TCF20: variants seen among roughly 807,000 people sequenced by gnomAD.
TCF20 encodes the protein transcription factor 20.
In TCF20, 3 loss-of-function variants were observed where a neutral mutation model predicts 148.6. That is an observed-to-expected ratio of 0.02 (90% CI 0.01 to 0.05). TCF20 has a LOEUF of 0.05. Ranked by LOEUF, TCF20 falls within the 10% of genes least tolerant of loss-of-function variation. The pLI is 1.00. For synonymous variants in TCF20, 1,049 were observed against 909.5 expected, an observed-to-expected ratio of 1.15 and a Z score of -2.76; for missense variants, 2,350 against 2,429.3, an observed-to-expected ratio of 0.97 and a Z score of 0.69.
intron 1 of TCF20, among the ~76,000 whole-genome samples, chr22:42,254,556 A>C (rs1427888559): frequency 6.6e-6 from 1 of 151,976 alleles, no homozygotes; most frequent in Admixed American, 6.6e-5. Flanking sequence ...ACAATCTCTC[A>C]CCTGTCCTCC....
chr22:42,295,587 G>A (rs1198374923), intron 1 of TCF20, among the ~76,000 whole-genome samples: 1 of 152,058 alleles, frequency 6.6e-6, no homozygotes, highest in African/African-American at 2.4e-5. Context: ...GGGATTACAG[G>A]CAGGCACCAC....
chr22:42,183,615 A>G (rs1272119382), intron 2 of TCF20, among the ~76,000 whole-genome samples: 1 of 152,192 alleles, frequency 6.6e-6, no homozygotes, highest in Non-Finnish European at 1.5e-5. Flanking sequence ...CCACACCTCA[A>G]TTCCAGCCCA....
chr22:42,273,530 C>T (rs1293539627), upstream of TCF20, among the ~76,000 whole-genome samples: 1 of 151,964 alleles, frequency 6.6e-6, no homozygotes, highest in Non-Finnish European at 1.5e-5. Context: ...ACTGAGCGCC[C>T]CTTCCTCTGA....
intron 1 of TCF20, among the ~76,000 whole-genome samples, chr22:42,334,819 G>GC (rs1386287855): frequency 1.3e-5 from 2 of 152,244 alleles, no homozygotes; most frequent in Non-Finnish European, 2.9e-5. Context: ...CTGGCCCCAA[G>GC]CACGTGGGCT....
chr22:42,206,813 C>A (rs887173237), intron 2 of TCF20, among the ~76,000 whole-genome samples: 11 of 152,150 alleles, frequency 7.2e-5, no homozygotes, highest in Non-Finnish European at 1.5e-4. Context: ...TTACTATAGT[C>A]TATGGGCACT....
chr22:42,216,990 A>G (rs949756533), intron 1 of TCF20, among the ~76,000 whole-genome samples: 2 of 152,226 alleles, frequency 1.3e-5, no homozygotes, highest in African/African-American at 2.4e-5. Context: ...GAGGTGTAAT[A>G]GACAGTTTAG....
In TCF20 at chr22:42,211,467, T is replaced by C; in HGVS notation, c.3839A>G (p.Asp1280Gly). The change falls in exon 2 of 6, where the codon GAT becomes GGT. Residue 1280 changes from aspartate (D) to glycine (G), a missense_variant. Asp to Gly is a moderately conservative substitution (Grantham distance 94, BLOSUM62 -1). Coordinates refer to ENST00000677622, the MANE Select transcript of TCF20 (RefSeq NM_001378418.1). ...SQDVKNSSTE[D>G]KGRLLHSSKE... Reference sequence around the variant, plus strand: ...TGATGAGTGAAGGAGGCGACCTTTATCTTCAGTGCTACTGTTCTTTACATC... The same window carrying C: ...TGATGAGTGAAGGAGGCGACCTTTACCTTCAGTGCTACTGTTCTTTACATC... 2.5e-6 allele frequency: 4 copies of C among 1,614,226 alleles called. No homozygotes were observed. Among genetic ancestry groups the C allele is most frequent in the Non-Finnish European group, 3.4e-6 (4 of 1,180,052 alleles).
chr22:42,304,419 A>G (rs1927396831), intron 1 of TCF20, among the ~76,000 whole-genome samples: 1 of 152,070 alleles, frequency 6.6e-6, no homozygotes. Flanking sequence ...GTTGGGAGAC[A>G]GCCCTGGGCA....
chr22:42,310,249 G>A (rs970857116), intron 1 of TCF20, among the ~76,000 whole-genome samples: 1 of 152,206 alleles, frequency 6.6e-6, no homozygotes, highest in Non-Finnish European at 1.5e-5. Context: ...TGTTTAATTA[G>A]GGCAATGACA....
intron 2 of TCF20, among the ~76,000 whole-genome samples, chr22:42,181,631 G>C (rs1005429522): frequency 1.4e-5 from 2 of 145,838 alleles, no homozygotes; most frequent in African/African-American, 5.1e-5. Context: ...ATTTTGAGAC[G>C]ATGTCTTGCT....
rs921385895 is a variant in TCF20 at position 42,168,880 on chromosome 22, A to G, written c.5800-144T>C. 135 of 1,172,914 alleles carry G rather than the reference A, an allele frequency of 1.2e-4. No individual in the cohort carries two copies. In the East Asian group the frequency reaches 3.9e-3, roughly 34 times the overall value. 72.7% of individuals were successfully genotyped at this position (1,172,914 alleles called of 1,614,324 possible). ...CCTGACCGACAAACAGGAGACATTC[A>G]GACAGGGTTTTCTGAGGCAAAATGT... is the stretch of plus-strand genomic sequence containing the variant. On this transcript the variant is annotated intron_variant, in intron 4 of 5. Transcript: ENST00000677622.
At chr22:42,261,255 G>C (rs1787942783) in intron 1 of TCF20, among the ~76,000 whole-genome samples, 1 of 152,162 alleles carries the variant, frequency 6.6e-6, no homozygotes, top group Non-Finnish European at 1.5e-5. Flanking sequence ...TGGACATCTG[G>C]ACTGTTTAGT....
intron 2 of TCF20, among the ~76,000 whole-genome samples, chr22:42,195,370 T>C (rs544863649): frequency 4.6e-5 from 7 of 151,934 alleles, no homozygotes; most frequent in Non-Finnish European, 8.8e-5. Context: ...ATCATTTTTT[T>C]CCCCAAAACT....
chr22:42,241,530 T>C (rs1241508776), intron 1 of TCF20, among the ~76,000 whole-genome samples: 1 of 152,160 alleles, frequency 6.6e-6, no homozygotes, highest in Non-Finnish European at 1.5e-5. Context: ...GTTATTAAAT[T>C]AAAAGCAGAT....
intron 1 of TCF20, among the ~76,000 whole-genome samples, chr22:42,233,034 C>A (rs1463526609): frequency 6.6e-6 from 1 of 152,082 alleles, no homozygotes; most frequent in Non-Finnish European, 1.5e-5. Flanking sequence ...AATTCTCCTG[C>A]CTCAGTCTCC....
chr22:42,325,391 GTGGGGCCC>G (rs1387914530), intron 1 of TCF20, among the ~76,000 whole-genome samples: 1 of 152,032 alleles, frequency 6.6e-6, no homozygotes, highest in African/African-American at 2.4e-5. Context: ...ACCTCAACAG[GTGGGGCCC>G]TTGGGGCCAG....
chr22:42,276,187 T>G (rs1473696211), intron 1 of TCF20, among the ~76,000 whole-genome samples: 2 of 152,240 alleles, frequency 1.3e-5, no homozygotes, highest in Non-Finnish European at 2.9e-5. Flanking sequence ...GCTCTTCATT[T>G]TTAAGCCTGA....
intron 5 of TCF20, among the ~76,000 whole-genome samples, chr22:42,164,214 T>C (rs1454323358): frequency 6.1e-4 from 1 of 1,630 alleles, no homozygotes; most frequent in Non-Finnish European, 2.1e-3. Flanking sequence ...ATTTCTTTCT[T>C]TTTTTTTTTT....
At chr22:42,183,392 C>G (rs1457454897) in intron 2 of TCF20, among the ~76,000 whole-genome samples, 5 of 152,208 alleles carry the variant, frequency 3.3e-5, no homozygotes, top group Non-Finnish European at 5.9e-5. Context: ...TGGGCCCAAT[C>G]TAATCACACA....
Sources: allele counts gnomAD v4.1 joint callset (sites outside exome capture counted in the v4.1 genomes callset), GRCh38; gene constraint gnomAD v4.1.1; transcripts MANE v1.5; gene names NCBI Gene and HGNC (gene_info 2026-07-23, HGNC 2026-07-21).